The following ADPRHL1 variants were observed in gnomAD, a reference collection of about 807,000 sequenced individuals.
ADPRHL1 encodes the protein ADP-ribosylhydrolase like 1, also known as inactive ADP-ribosyltransferase ARH2.
Under a neutral mutation model 44.1 loss-of-function variants are expected in ADPRHL1, and 43 were observed. The ratio of observed to expected loss-of-function variants is 0.98; its 90% confidence interval spans 0.76 to 1.26. The LOEUF is 1.26. ADPRHL1 is among the 50% of genes most tolerant of loss of function. The pLI is 0.00. For synonymous variants in ADPRHL1, 878 were observed against 1,017.4 expected, an observed-to-expected ratio of 0.86 and a Z score of 2.61; for missense variants, 2,022 against 2,496.9, an observed-to-expected ratio of 0.81 and a Z score of 4.05.
At chr13:113,417,913 T>C (rs2043894966) in intron 7 of ADPRHL1, among the ~76,000 whole-genome samples, 1 of 152,234 alleles carries the variant, frequency 6.6e-6, no homozygotes, top group African/African-American at 2.4e-5. Context: ...GCACAGATGT[T>C]TGGATTGAAC....
chr13:113,405,213 C>T lies in ADPRHL1; in HGVS notation c.4069G>A (p.Val1357Ile). The T allele has an allele frequency of 8.1e-7, 1 of 1,231,890 alleles. No homozygotes were observed. Among genetic ancestry groups the T allele is most frequent in the African/African-American group, 1.5e-5 (1 of 64,552 alleles). 76.3% of individuals were successfully genotyped at this position (1,231,890 alleles called of 1,614,324 possible). The change falls in exon 8 of 8, where the codon GTC becomes ATC. Residue 1357 changes from valine (V) to isoleucine (I), a missense_variant. Coordinates refer to ENST00000612156, the MANE Select transcript of ADPRHL1 (RefSeq NM_001394807.1). ...CCTGCCTGCGTCCTAGGCTCGGGGA[C>T]ACTGGCCCGGAGCTTTGCCTGTGTG... ...GDTQAKLRAS[V>I]PEPRTQAGES...
intron 1 of ADPRHL1, among the ~76,000 whole-genome samples, chr13:113,450,727 G>A (rs2044172355): frequency 1.3e-5 from 2 of 152,144 alleles, no homozygotes; most frequent in African/African-American, 4.8e-5. Context: ...GGGACTATTA[G>A]TACTGATAGT....
At chr13:113,438,668 C>T (rs72638453) in intron 2 of ADPRHL1, among the ~76,000 whole-genome samples, 76,946 of 151,816 alleles carry the variant, frequency 0.51, 20,717 homozygotes, top group East Asian at 0.74. Context: ...GGTGACAGAG[C>T]GAGACTCCAT....
At chr13:113,425,871 G>T (rs1336328699) in intron 4 of ADPRHL1, among the ~76,000 whole-genome samples, 1 of 150,978 alleles carries the variant, frequency 6.6e-6, no homozygotes, top group Middle Eastern at 3.3e-3. Flanking sequence ...AGTAGAGATG[G>T]GGTTTCACCA....
chr13:113,411,194 A>G (rs2043850254), intron 7 of ADPRHL1, among the ~76,000 whole-genome samples: 1 of 152,150 alleles, frequency 6.6e-6, no homozygotes, highest in Non-Finnish European at 1.5e-5. Context: ...AGCTGGAATT[A>G]AACCAGCTCA....
At chr13:113,421,456 C>A (rs1402690078) in intron 7 of ADPRHL1, among the ~76,000 whole-genome samples, 1 of 152,018 alleles carries the variant, frequency 6.6e-6, no homozygotes, top group Non-Finnish European at 1.5e-5. Context: ...CACGCCCATC[C>A]CCGGGACATG....
intron 3 of ADPRHL1, among the ~76,000 whole-genome samples, chr13:113,429,781 G>C (rs563729285): frequency 6.6e-6 from 1 of 152,328 alleles, no homozygotes; most frequent in Admixed American, 6.5e-5. Flanking sequence ...CCCTGCTGGT[G>C]CTTGGGGCTT....
chr13:113,453,371 A>T lies in ADPRHL1; in HGVS notation c.67T>A (p.Cys23Ser), dbSNP rs1481736232. 4 of 1,614,008 alleles carry T rather than the reference A, an allele frequency of 2.5e-6. No individual in the cohort carries two copies. The highest frequency in any genetic ancestry group is 1.7e-5 in the Admixed American group (1 of 60,006). Residue 23 changes from cysteine to serine, a missense_variant, in exon 1 of 8, where the codon TGC becomes AGC. Cys to Ser is a moderately radical substitution (Grantham distance 112, BLOSUM62 -1). This residue lies in a region of ADPRHL1 where 437 missense variants were observed against 430.7 expected (regional missense o/e 1.01). Coordinates refer to ENST00000612156, the MANE Select transcript of ADPRHL1 (RefSeq NM_001394807.1). The surrounding 1 kb of genome is among the most constrained non-coding windows in gnomAD (Gnocchi z 5.4). ...ATGCCTACAGTGCTGTTCTCCTTGC[A>T]GACATTTCTGTAGCCAAGAGCATCG... ...VGDALGYRNVCKENSTVGMKI... is the reference protein window; with the variant it reads ...VGDALGYRNVSKENSTVGMKI...
rs1188385546 is a variant in ADPRHL1 at position 113,441,851 on chromosome 13, T to C, written c.379+2574A>G. On this transcript the variant is annotated intron_variant, in intron 2 of 7. Coordinates refer to ENST00000612156, the MANE Select transcript of ADPRHL1 (RefSeq NM_001394807.1). The surrounding 1 kb of genome is among the most constrained non-coding windows in gnomAD (Gnocchi z 6.0). ...CTCTGTCACGTTGTGTCCCGCCGCG[T>C]GGGTCCGTGTCACTATCACACTCTG... 2.7e-5 allele frequency among the ~76,000 whole-genome samples: 4 copies of C among 150,894 alleles called. No homozygotes were observed. Among genetic ancestry groups the C allele is most frequent in the Admixed American group, 6.6e-5 (1 of 15,144 alleles).
intron 7 of ADPRHL1, among the ~76,000 whole-genome samples, chr13:113,413,211 C>G (rs1174601145): frequency 6.6e-6 from 1 of 152,216 alleles, no homozygotes; most frequent in Non-Finnish European, 1.5e-5. Context: ...CTCCTGGCCA[C>G]CCCCTTTTCT....
chr13:113,445,473 G>GC (rs1423425006), intron 1 of ADPRHL1, among the ~76,000 whole-genome samples: 1 of 152,246 alleles, frequency 6.6e-6, no homozygotes, highest in East Asian at 1.9e-4. Context: ...CGGCGAGGGC[G>GC]CCCCTCCCAA....
At chr13:113,445,428 C>G (rs1256411660) in intron 1 of ADPRHL1, among the ~76,000 whole-genome samples, 1 of 152,264 alleles carries the variant, frequency 6.6e-6, no homozygotes, top group Non-Finnish European at 1.5e-5. Flanking sequence ...CATGCCAGGA[C>G]AGGCTGTGGC....
At position 113,453,104 on chromosome 13, in the gene ADPRHL1, G is replaced by C; in HGVS notation, c.214+120C>G. 3 of 1,081,608 alleles carry C rather than the reference G, an allele frequency of 2.8e-6. No individual in the cohort carries two copies. Among genetic ancestry groups the C allele is most frequent in the Non-Finnish European group, 4.0e-6 (3 of 742,630 alleles). 67.0% of individuals were successfully genotyped at this position (1,081,608 alleles called of 1,614,324 possible). On this transcript the variant is annotated intron_variant, in intron 1 of 7. Transcript: ENST00000612156. The surrounding 1 kb of genome is among the most constrained non-coding windows in gnomAD (Gnocchi z 5.4). Reference sequence around the variant, plus strand: ...ATTGCCACTTTTAGCAGCGGTATCAGGTAACACCATCCGCTGAAGGACCGC... The same window carrying C: ...ATTGCCACTTTTAGCAGCGGTATCACGTAACACCATCCGCTGAAGGACCGC...
intron 1 of ADPRHL1, among the ~76,000 whole-genome samples, chr13:113,446,404 T>C (rs918466283): frequency 3.3e-5 from 5 of 152,178 alleles, no homozygotes; most frequent in African/African-American, 1.2e-4. Flanking sequence ...TGTGTCCTCC[T>C]ACCACCAGTT....
intron 5 of ADPRHL1, among the ~76,000 whole-genome samples, chr13:113,424,684 C>CCA (rs1387884157): frequency 2.2e-5 from 3 of 138,006 alleles, no homozygotes; most frequent in Admixed American, 7.6e-5. Flanking sequence ...ATCCATTCAT[C>CCA]TATCCACCCA....
chr13:113,441,772 C>T lies in ADPRHL1; in HGVS notation c.379+2653G>A, dbSNP rs759123057. Among the ~76,000 whole-genome samples the T allele has an allele frequency of 7.9e-5, 12 of 152,010 alleles. No homozygotes were observed. The highest frequency in any genetic ancestry group is 1.9e-4 in the African/African-American group (8 of 41,366). On this transcript the variant is annotated intron_variant, in intron 2 of 7. Transcript: ENST00000612156. This position sits in a 1 kb window ranked among gnomAD's most constrained non-coding sequence, Gnocchi z 6.0. ...TCCGTGTCTCTATCATGCTCCGCCC[C>T]GCCGTGTGGGTCTGTGTCTCTATCA...
intron 4 of ADPRHL1, 140 bp downstream of exon 4, chr13:113,428,812 C>T (rs984631722): frequency 5.9e-6 from 8 of 1,352,892 alleles, no homozygotes; most frequent in African/African-American, 1.4e-5. Context: ...GCGAGGCCAG[C>T]TCTGCTCACA....
chr13:113,438,122 C>G (rs61968983), intron 2 of ADPRHL1, among the ~76,000 whole-genome samples: 1 of 152,020 alleles, frequency 6.6e-6, no homozygotes, highest in Non-Finnish European at 1.5e-5. Flanking sequence ...TGAGCCACCA[C>G]GCCTGGCAGA....
Position 113,425,239 on chromosome 13 carries a change from A to G in ADPRHL1, c.647-60T>C. ...GGCATCCATGGAGTGGGGCGGGTGC[A>G]GGGAGTTGGGGGTGGGGAGGGTGGG... On this transcript the variant is annotated intron_variant, in intron 4 of 7. Coordinates refer to ENST00000612156, the MANE Select transcript of ADPRHL1 (RefSeq NM_001394807.1). 4 of 87,824 alleles carry G rather than the reference A, an allele frequency of 4.6e-5. No homozygotes were observed. In the South Asian group the frequency reaches 5.1e-4, roughly 11 times the overall value. 5.4% of individuals were successfully genotyped at this position (87,824 alleles called of 1,614,324 possible).
Sources: gnomAD v4.1 joint callset for allele counts (sites outside exome capture counted in the v4.1 genomes callset) on GRCh38, gnomAD v4.1.1 for gene constraint, gnomAD v4.1.1 regional missense constraint, Gnocchi (gnomAD v3.1) non-coding constraint, MANE v1.5 for transcripts, NCBI Gene and HGNC (gene_info 2026-07-23, HGNC 2026-07-21) for gene names.